Variants in TRIM35 observed in about 807,000 individuals in gnomAD.
TRIM35 encodes the protein tripartite motif containing 35, also known as E3 ubiquitin-protein ligase TRIM35.
TRIM35 carries 37 observed loss-of-function variants against 49.1 expected under a neutral mutation model. The observed-to-expected ratio is 0.75, with a 90% CI of 0.58 to 0.99. The LOEUF (loss-of-function observed/expected upper bound fraction) is 0.99. TRIM35 is among the 50% of genes least tolerant of loss of function. The probability of loss-of-function intolerance (pLI) is 0.00; values close to 1 mark genes in which losing one functional copy is unlikely to be tolerated. For synonymous variants in TRIM35, 302 were observed against 289.3 expected (o/e 1.04, Z -0.45); for missense variants, 648 against 702.7 (o/e 0.92, Z 0.88).
intron 1 of TRIM35, among the ~76,000 whole-genome samples, chr8:27,303,787 A>T (rs1802726818): frequency 6.6e-6 from 1 of 152,186 alleles, no homozygotes; most frequent in South Asian, 2.1e-4. Context: ...TCTGTCTCCC[A>T]GATTCAAGCA....
At chr8:27,296,373 A>C (rs1410313977) in intron 2 of TRIM35, among the ~76,000 whole-genome samples, 1 of 152,152 alleles carries the variant, frequency 6.6e-6, no homozygotes, top group Non-Finnish European at 1.5e-5. Flanking sequence ...TGGCAGGAAA[A>C]ACCAGCAAGT....
At chr8:27,289,602 T>C (rs1802411088) in intron 4 of TRIM35, among the ~76,000 whole-genome samples, 1 of 152,202 alleles carries the variant, frequency 6.6e-6, no homozygotes, top group Admixed American at 6.5e-5. Context: ...ATGTCTGAGT[T>C]GGAAGGGACC....
chr8:27,293,894 G>A (rs1802507152), intron 3 of TRIM35, 186 bp downstream of exon 3: 2 of 592,256 alleles, frequency 3.4e-6, no homozygotes, highest in South Asian at 2.2e-5. Flanking sequence ...GGGTTTCAAG[G>A]AACTCCGCCC....
In TRIM35 at chr8:27,286,195, A is replaced by T. The variant is rs2130246018; in HGVS notation, c.*1355T>A. ...CACTTCCTGGGACATGATGAGCTGA[A>T]GATTAAAAACTCTTCAGAGATGTGC... On this transcript the variant is annotated 3_prime_UTR_variant, in exon 6 of 6. Coordinates refer to ENST00000305364, the MANE Select transcript of TRIM35 (RefSeq NM_171982.5). 2.2e-6 allele frequency: 1 copy of T among 456,278 alleles called. No homozygotes were observed. Among genetic ancestry groups the T allele is most frequent in the South Asian group, 1.5e-5 (1 of 64,558 alleles). 28.3% of individuals were successfully genotyped at this position (456,278 alleles called of 1,614,324 possible). A position where few individuals can be genotyped will look rare whatever the true frequency, so the allele number is the denominator to read the frequency against.
intron 4 of TRIM35, among the ~76,000 whole-genome samples, 174 bp downstream of exon 4, chr8:27,289,982 G>A (rs560084677): frequency 7.2e-5 from 11 of 152,258 alleles, no homozygotes; most frequent in African/African-American, 2.2e-4. Flanking sequence ...TGCTGTGAGA[G>A]GGCTCTCTCC....
At chr8:27,310,694 C>T in intron 1 of TRIM35, 107 bp downstream of exon 1, 5 of 1,292,506 alleles carry the variant, frequency 3.9e-6, no homozygotes, top group Non-Finnish European at 5.3e-6. Flanking sequence ...GGGAGCGAGA[C>T]GCGGGCACAC....
rs1802323798 is a variant in TRIM35, at chr8:27,286,542, GA to G, written c.*1007del. The G allele has an allele frequency of 5.0e-6, 1 of 201,886 alleles. No homozygotes were observed. Among genetic ancestry groups the G allele is most frequent in the East Asian group, 1.3e-4 (1 of 7,644 alleles). The allele number at this position is 201,886 out of a possible 1,614,324, so 12.5% of individuals were successfully genotyped here. A position where few individuals can be genotyped will look rare whatever the true frequency, so the allele number is the denominator to read the frequency against. Reference sequence around the variant, plus strand: ...TCCTCCTATCTCATTTCCTGGTGGGGAAACAGGCCTGGCAAGGAAATAGGCC... The same window carrying G: ...TCCTCCTATCTCATTTCCTGGTGGGGAACAGGCCTGGCAAGGAAATAGGCC... On this transcript the variant is annotated 3_prime_UTR_variant, in exon 6 of 6. Transcript: ENST00000305364.
In TRIM35 at chr8:27,310,789, C is replaced by A; in HGVS notation, c.435+12G>T. ...CCCGGCTCGGCCGCCTCGTGCAAATCGCTGCTCTTACCCGAAAGTCGTGGG... is the reference window on the plus strand; with the variant it reads ...CCCGGCTCGGCCGCCTCGTGCAAATAGCTGCTCTTACCCGAAAGTCGTGGG... On this transcript the variant is annotated intron_variant, in intron 1 of 5. Coordinates refer to ENST00000305364, the MANE Select transcript of TRIM35 (RefSeq NM_171982.5). 1 of 1,570,788 alleles carries A rather than the reference C, an allele frequency of 6.4e-7. No homozygotes were observed. Among genetic ancestry groups the A allele is most frequent in the Non-Finnish European group, 8.7e-7 (1 of 1,153,892 alleles).
chr8:27,305,071 T>TA (rs1802756863), intron 1 of TRIM35, among the ~76,000 whole-genome samples: 1 of 152,168 alleles, frequency 6.6e-6, no homozygotes, highest in Admixed American at 6.5e-5. Context: ...ATAAGAGGGA[T>TA]AAAAAATACT....
chr8:27,292,393 T>C (rs1802473203), intron 3 of TRIM35, among the ~76,000 whole-genome samples: 1 of 152,208 alleles, frequency 6.6e-6, no homozygotes, highest in Admixed American at 6.5e-5. Context: ...TAATAATACA[T>C]TTCTCAGAAC....
chr8:27,289,108 T>C (rs1802398675), intron 5 of TRIM35, 54 bp downstream of exon 5: 3 of 1,492,592 alleles, frequency 2.0e-6, no homozygotes, highest in Non-Finnish European at 2.8e-6. Context: ...GCCTCTTTGC[T>C]AACATGAAGG....
intron 1 of TRIM35, among the ~76,000 whole-genome samples, chr8:27,305,201 G>A (rs1456932115): frequency 6.6e-6 from 1 of 152,224 alleles, no homozygotes; most frequent in East Asian, 1.9e-4. Context: ...CTACATGCCA[G>A]GTAACCTAAC....
chr8:27,287,910 A>G lies in TRIM35; in HGVS notation c.1122T>C (p.Arg374=), dbSNP rs1802367865. Residue 374 remains arginine, a synonymous_variant, in exon 6 of 6, where the codon CGT becomes CGC. Coordinates refer to ENST00000305364, the MANE Select transcript of TRIM35 (RefSeq NM_171982.5). The surrounding 1 kb of genome is among the most constrained non-coding windows in gnomAD (Gnocchi z 6.0). ...CCTCAGCGCCCGAGTCCTGGCGCAC[A>G]CGTACCACGCCCACCCTCCAGCTCT... ...GLQSWRVGVV[R]VRQDSGAEGH... The G allele has an allele frequency of 6.2e-7, 1 of 1,613,076 alleles. No individual in the cohort carries two copies. Among genetic ancestry groups the G allele is most frequent in the Non-Finnish European group, 8.5e-7 (1 of 1,179,832 alleles).
At chr8:27,310,701 A>G in intron 1 of TRIM35, 100 bp downstream of exon 1, 1 of 1,339,146 alleles carries the variant, frequency 7.5e-7, no homozygotes. Context: ...AGACGCGGGC[A>G]CACTGGGCTC....
chr8:27,298,603 G>A, intron 1 of TRIM35, 44 bp from the exon 2 acceptor site: 1 of 1,549,664 alleles, frequency 6.5e-7, no homozygotes, highest in Non-Finnish European at 8.9e-7. Context: ...GGTTAGGGCT[G>A]GAGGCTGGGC....
Position 27,311,270 on chromosome 8 carries a change from T to A in TRIM35, c.-35A>T, listed in dbSNP as rs1414568324. ...AGCCGGCTCGGGCGCCCGGAACTTT[T>A]GCTCCGGCCCCTCCCACCCGCCCGG... On this transcript the variant is annotated 5_prime_UTR_variant, in exon 1 of 6. Transcript: ENST00000305364. The A allele has an allele frequency of 6.1e-6, 9 of 1,466,964 alleles. No homozygotes were observed. The highest frequency in any genetic ancestry group is 5.4e-6 in the Non-Finnish European group (6 of 1,106,186). The allele number at this position is 1,466,964 out of a possible 1,614,324, so 90.9% of individuals were successfully genotyped here.
At chr8:27,293,389 G>A (rs1402290495) in intron 3 of TRIM35, among the ~76,000 whole-genome samples, 1 of 151,942 alleles carries the variant, frequency 6.6e-6, no homozygotes, top group African/African-American at 2.4e-5. Flanking sequence ...TTTTTAAAGA[G>A]AGAATGGAAT....
Position 27,287,871 on chromosome 8 carries a change from G to A in TRIM35, c.1161C>T (p.Ser387=), listed in dbSNP as rs1191669035. The A allele has an allele frequency of 6.2e-7, 1 of 1,613,216 alleles. No individual in the cohort carries two copies. The highest frequency in any genetic ancestry group is 2.2e-5 in the East Asian group (1 of 44,856). The stretch of plus-strand genomic sequence containing the variant: ...AGCCCGAGCGTGTGTCGTGGTAGCA[G>A]CTGTGTGAGTGGCCCTCAGCGCCCG... The part of the protein sequence containing the change: ...QDSGAEGHSH[S]CYHDTRSGFW... The change falls in exon 6 of 6, where the codon AGC becomes AGT. Residue 387 remains serine (S), a synonymous_variant. Transcript: ENST00000305364. This position sits in a 1 kb window ranked among gnomAD's most constrained non-coding sequence, Gnocchi z 6.0.
In TRIM35 at chr8:27,311,232, C is replaced by A. The variant is rs1049055092; in HGVS notation, c.4G>T (p.Glu2Ter). 6.5e-7 allele frequency: 1 copy of A among 1,535,412 alleles called. No individual in the cohort carries two copies. Among genetic ancestry groups the A allele is most frequent in the Non-Finnish European group, 8.8e-7 (1 of 1,139,292 alleles). Residue 2 changes from glutamate (E) to a stop codon, truncating the protein, a stop_gained, in exon 1 of 6, where the codon GAG becomes TAG. Transcript: ENST00000305364. LOFTEE classifies it high-confidence loss of function. M[E>*]RSPDVSPGPS... Reference sequence around the variant, plus strand: ...CCGGGGGACACGTCGGGACTCCGCTCCATGGCACGAGCAGCCGGCTCGGGC... The same window carrying A: ...CCGGGGGACACGTCGGGACTCCGCTACATGGCACGAGCAGCCGGCTCGGGC...
Sources: gnomAD v4.1 joint callset for allele counts (sites outside exome capture counted in the v4.1 genomes callset) on GRCh38, gnomAD v4.1.1 for gene constraint, Gnocchi (gnomAD v3.1) non-coding constraint, MANE v1.5 for transcripts, NCBI Gene and HGNC (gene_info 2026-07-23, HGNC 2026-07-21) for gene names.